Variants in STK38 observed in about 807,000 individuals in gnomAD.
The protein encoded by STK38 is serine/threonine-protein kinase 38.
STK38 carries 26 observed loss-of-function variants against 59.0 expected under a neutral mutation model. The observed-to-expected ratio is 0.44, with a 90% CI of 0.32 to 0.61. STK38 has a LOEUF of 0.61. STK38 is among the 20% of genes least tolerant of loss of function. STK38 has a pLI of 0.04. For missense variants in STK38, 433 were observed against 566.0 expected (o/e 0.76, Z 2.38); for synonymous variants, 175 against 176.6 (o/e 0.99, Z 0.07).
intron 13 of STK38, 110 bp from the exon 14 acceptor site, chr6:36,496,024 C>T (rs1203492228): frequency 6.0e-6 from 7 of 1,167,456 alleles, no homozygotes; most frequent in African/African-American, 4.7e-5. Flanking sequence ...TTTGGGAAAG[C>T]TTATTTTTCA....
intron 6 of STK38, among the ~76,000 whole-genome samples, chr6:36,516,658 G>C (rs559289119): frequency 6.6e-6 from 1 of 152,308 alleles, no homozygotes; most frequent in African/African-American, 2.4e-5. Context: ...TGGAGACAGT[G>C]CACTTGGGCT....
At chr6:36,502,553 TGTG>T (rs1751645379) in intron 9 of STK38, among the ~76,000 whole-genome samples, 1 of 152,198 alleles carries the variant, frequency 6.6e-6, no homozygotes, top group Non-Finnish European at 1.5e-5. Flanking sequence ...TTATTTTTAT[TGTG>T]ATTTTTTTAA....
At chr6:36,540,027 G>A (rs377668324) in intron 2 of STK38, 45 bp downstream of exon 2, 20 of 1,609,168 alleles carry the variant, frequency 1.2e-5, no homozygotes, top group African/African-American at 1.2e-4. Context: ...TACGAGAAAG[G>A]AATGCCACAA....
intron 2 of STK38, among the ~76,000 whole-genome samples, 200 bp from the exon 3 acceptor site, chr6:36,525,842 C>CG (rs1777497281): frequency 6.7e-6 from 1 of 149,748 alleles, no homozygotes; most frequent in East Asian, 1.9e-4. Flanking sequence ...TTTTTTTTGG[C>CG]GGGGGGAGGG....
Position 36,500,008 on chromosome 6 carries a change from C to T in STK38, c.835-18G>A. 4 of 1,601,982 alleles carry T rather than the reference C, an allele frequency of 2.5e-6. No individual in the cohort carries two copies. The highest frequency in any genetic ancestry group is 3.4e-6 in the Non-Finnish European group (4 of 1,169,170). Reference sequence around the variant, plus strand: ...GAGAAGGCCTGAAACATGGACCACACATCAGCGAGGCCCAGCCAGGCAGGA... The same window carrying T: ...GAGAAGGCCTGAAACATGGACCACATATCAGCGAGGCCCAGCCAGGCAGGA... On this transcript the variant is annotated intron_variant, in intron 9 of 13. Coordinates refer to ENST00000229812, the MANE Select transcript of STK38 (RefSeq NM_007271.4).
intron 13 of STK38, 89 bp from the exon 14 acceptor site, chr6:36,496,003 A>C (rs1036989770): frequency 1.4e-5 from 20 of 1,396,506 alleles, no homozygotes; most frequent in Non-Finnish European, 1.9e-5. Context: ...TGAAGAACAC[A>C]CCAGTTTCTA....
chr6:36,513,938 A>G (rs1038803168), intron 7 of STK38, among the ~76,000 whole-genome samples: 16 of 151,218 alleles, frequency 1.1e-4, no homozygotes, highest in East Asian at 3.9e-4. Flanking sequence ...GGCAGATCAC[A>G]AGGTCAGGAG....
intron 7 of STK38, 87 bp downstream of exon 7, chr6:36,515,251 T>A: frequency 1.4e-6 from 2 of 1,471,732 alleles, no homozygotes; most frequent in Non-Finnish European, 1.8e-6. Flanking sequence ...GCTCGCCCAC[T>A]GGGATGACCA....
chr6:36,527,501 C>T (rs993239844), intron 2 of STK38, among the ~76,000 whole-genome samples: 2 of 151,006 alleles, frequency 1.3e-5, no homozygotes, highest in Non-Finnish European at 2.9e-5. Flanking sequence ...TGCAGTGAGG[C>T]GAGAGCACAC....
At chr6:36,539,151 C>T (rs543177807) in intron 2 of STK38, among the ~76,000 whole-genome samples, 2 of 151,674 alleles carry the variant, frequency 1.3e-5, no homozygotes, top group African/African-American at 2.4e-5. Context: ...TATGGGAGGC[C>T]GAGGCAGGTG....
chr6:36,510,679 A>G (rs1329223755), intron 7 of STK38, among the ~76,000 whole-genome samples: 3 of 152,216 alleles, frequency 2.0e-5, no homozygotes, highest in Non-Finnish European at 2.9e-5. Flanking sequence ...ATTTTCATAA[A>G]GGAAAACACA....
rs776345023 is a variant in STK38, at chr6:36,510,026, T to C, written c.670-2424A>G. Among the ~76,000 whole-genome samples, 55 of 152,176 alleles carry C rather than the reference T, an allele frequency of 3.6e-4. 1 individual carries two copies. Among genetic ancestry groups the C allele is most frequent in the Admixed American group, 3.3e-3 (51 of 15,278 alleles). On this transcript the variant is annotated intron_variant, in intron 7 of 13. Coordinates refer to ENST00000229812, the MANE Select transcript of STK38 (RefSeq NM_007271.4). ...GAAAAACCACCGCAAGTTCTTACTC[T>C]GGGCCACAGACTCCAGCCCGAACTG...
intron 2 of STK38, among the ~76,000 whole-genome samples, chr6:36,533,414 T>G (rs1582457024): frequency 6.6e-6 from 1 of 152,238 alleles, no homozygotes; most frequent in Non-Finnish European, 1.5e-5. Context: ...TTTTGATTAA[T>G]TTGGTCTTTC....
chr6:36,496,331 C>T (rs1776704180), intron 13 of STK38, among the ~76,000 whole-genome samples: 1 of 152,116 alleles, frequency 6.6e-6, no homozygotes, highest in Non-Finnish European at 1.5e-5. Flanking sequence ...CATGAGCCAC[C>T]GCGCCTGGCC....
At chr6:36,507,727 G>A in intron 7 of STK38, 125 bp from the exon 8 acceptor site, 1 of 604,196 alleles carries the variant, frequency 1.7e-6, no homozygotes, top group Admixed American at 2.8e-5. Context: ...CTTCTTTTAT[G>A]ATAGGAAAAA....
intron 10 of STK38, 69 bp downstream of exon 10, chr6:36,499,804 G>C: frequency 1.6e-6 from 2 of 1,238,666 alleles, no homozygotes; most frequent in Non-Finnish European, 2.4e-6. Context: ...AATTGAAACA[G>C]AGGCTGGTAT....
At chr6:36,503,796 A>G (rs1776897075) in intron 9 of STK38, among the ~76,000 whole-genome samples, 1 of 144,196 alleles carries the variant, frequency 6.9e-6, no homozygotes, top group Admixed American at 6.9e-5. Context: ...TGAAGGTAAA[A>G]GTATTGCTCT....
At chr6:36,525,443 A>T in intron 3 of STK38, 148 bp downstream of exon 3, 1 of 614,236 alleles carries the variant, frequency 1.6e-6, no homozygotes, top group Non-Finnish European at 2.9e-6. Flanking sequence ...CCTCTGAATT[A>T]ACACCCAAAT....
intron 9 of STK38, among the ~76,000 whole-genome samples, chr6:36,506,183 G>A (rs760957309): frequency 4.6e-5 from 7 of 152,066 alleles, no homozygotes; most frequent in Admixed American, 6.6e-5. Context: ...GCCCTTGCCC[G>A]AGTGGATCAA....
Sources: allele counts gnomAD v4.1 joint callset (sites outside exome capture counted in the v4.1 genomes callset), GRCh38; gene constraint gnomAD v4.1.1; transcripts MANE v1.5; gene names NCBI Gene and HGNC (gene_info 2026-07-23, HGNC 2026-07-21).